VPS13B: variants seen among roughly 807,000 people sequenced by gnomAD.
VPS13B encodes the protein vacuolar protein sorting 13 homolog B.
VPS13B carries 285 observed loss-of-function variants against 426.4 expected under a neutral mutation model. The observed-to-expected ratio is 0.67, with a 90% CI of 0.61 to 0.74. VPS13B has a LOEUF of 0.74. Among genes scored for constraint, VPS13B ranks in the 30% least tolerant of loss-of-function variants. The pLI is 0.00. For missense variants in VPS13B, 4,537 were observed against 4,782.6 expected (o/e 0.95, Z 1.51); for synonymous variants, 1,676 against 1,676.4 (o/e 1.00, Z 0.01).
intron 17 of VPS13B, among the ~76,000 whole-genome samples, chr8:99,196,328 A>C (rs996398888): frequency 6.6e-6 from 1 of 151,918 alleles, no homozygotes; most frequent in Non-Finnish European, 1.5e-5. Flanking sequence ...TTGTTTTCCT[A>C]AATTTTTTTT....
intron 19 of VPS13B, among the ~76,000 whole-genome samples, chr8:99,330,339 T>C (rs2133152710): frequency 6.6e-6 from 1 of 152,032 alleles, no homozygotes; most frequent in East Asian, 1.9e-4. Context: ...TGGGGGTATG[T>C]TATTTTAATA....
At chr8:99,390,648 A>G (rs1340769703) in intron 20 of VPS13B, among the ~76,000 whole-genome samples, 8 of 152,110 alleles carry the variant, frequency 5.3e-5, no homozygotes, top group Admixed American at 3.3e-4. Flanking sequence ...AGCCTGACCA[A>G]CCGCCACCAG....
intron 39 of VPS13B, among the ~76,000 whole-genome samples, chr8:99,737,333 G>A (rs1563890116): frequency 6.6e-6 from 1 of 151,414 alleles, no homozygotes; most frequent in African/African-American, 2.4e-5. Context: ...TGTTAGCCAG[G>A]ATGGTCTCAA....
Position 99,384,263 on chromosome 8 carries a change from A to T in VPS13B, c.2880A>T (p.Leu960Phe), listed in dbSNP as rs760792770. Residue 960 changes from leucine to phenylalanine, a missense_variant, in exon 20 of 62, where the codon TTA becomes TTT. Around this residue, in one of 2 missense-constraint regions of VPS13B, gnomAD observed 4,311 missense variants for 4,474.3 expected, o/e 0.96. Coordinates refer to ENST00000357162, the MANE Select transcript of VPS13B (RefSeq NM_152564.5). ...TAGCAGTTAATATTGACCCAATCTT[A>T]TATACGTGGCTCATCTATCAGCCTC... ...QGLAVNIDPI[L>F]YTWLIYQPQK... 107 of 1,613,904 alleles carry T rather than the reference A, an allele frequency of 6.6e-5. 1 individual carries two copies. In the South Asian group the frequency reaches 9.3e-4, roughly 14 times the overall value.
At chr8:99,760,904 A>G (rs1346978792) in intron 39 of VPS13B, among the ~76,000 whole-genome samples, 1 of 152,212 alleles carries the variant, frequency 6.6e-6, no homozygotes, top group African/African-American at 2.4e-5. Context: ...GAGATGATTT[A>G]AAGTATATGG....
At chr8:99,215,732 A>G (rs1812662755) in intron 17 of VPS13B, among the ~76,000 whole-genome samples, 2 of 152,188 alleles carry the variant, frequency 1.3e-5, no homozygotes, top group African/African-American at 4.8e-5. Context: ...CTGGTCATAT[A>G]AACAACCTCT....
At chr8:99,722,542 T>C (rs1833173520) in intron 39 of VPS13B, among the ~76,000 whole-genome samples, 1 of 151,550 alleles carries the variant, frequency 6.6e-6, no homozygotes, top group Non-Finnish European at 1.5e-5. Flanking sequence ...AATCTTGCTC[T>C]GTCACCCAGG....
At chr8:99,156,259 A>AG (rs774693089) in intron 14 of VPS13B, among the ~76,000 whole-genome samples, 1 of 152,196 alleles carries the variant, frequency 6.6e-6, no homozygotes, top group Non-Finnish European at 1.5e-5. Context: ...CATCATACTG[A>AG]GGCATGTCGT....
chr8:99,724,094 A>G (rs76975870), intron 39 of VPS13B, among the ~76,000 whole-genome samples: 10,434 of 152,208 alleles, frequency 0.069, 530 homozygotes, highest in African/African-American at 0.14. Flanking sequence ...TTAGAACGAT[A>G]CAAAATATTT....
rs751532539 is a variant in VPS13B at position 99,124,384 on chromosome 8, A to G, written c.1206+2939A>G. ...TGGTTCCACAAAAAATTAAACGTAG[A>G]ATTACCATATAATCTAGCTATTTTA... On this transcript the variant is annotated intron_variant, in intron 8 of 61. Transcript: ENST00000357162. Among the ~76,000 whole-genome samples, 171 of 152,188 alleles carry G rather than the reference A, an allele frequency of 1.1e-3. 1 individual carries two copies. The highest frequency in any genetic ancestry group is 2.5e-3 in the South Asian group (12 of 4,832).
chr8:99,493,679 G>A (rs1247909058), intron 25 of VPS13B, among the ~76,000 whole-genome samples: 1 of 151,654 alleles, frequency 6.6e-6, no homozygotes, highest in Non-Finnish European at 1.5e-5. Flanking sequence ...CGATTCGGGA[G>A]GCTGCAACAG....
Position 99,345,176 on chromosome 8 carries a change from A to G in VPS13B, c.2825-39032A>G, listed in dbSNP as rs577896748. On this transcript the variant is annotated intron_variant, in intron 19 of 61. Coordinates refer to ENST00000357162, the MANE Select transcript of VPS13B (RefSeq NM_152564.5). ...TGCAATGCTAGGTATGCAATACTAT[A>G]GTATGCTAGGTATGCATTGCTCTGT... is the stretch of plus-strand genomic sequence containing the variant. Among the ~76,000 whole-genome samples the G allele has an allele frequency of 3.3e-5, 5 of 152,330 alleles. No homozygotes were observed. In the South Asian group the frequency reaches 1.0e-3, roughly 32 times the overall value.
chr8:99,269,333 A>G (rs1402865183), intron 17 of VPS13B, among the ~76,000 whole-genome samples: 1 of 152,212 alleles, frequency 6.6e-6, no homozygotes, highest in Non-Finnish European at 1.5e-5. Context: ...CCTCTAGTGG[A>G]CTATGACAAC....
chr8:99,216,417 C>T (rs1002002373), intron 17 of VPS13B, among the ~76,000 whole-genome samples: 5 of 151,756 alleles, frequency 3.3e-5, no homozygotes, highest in Admixed American at 1.3e-4. Flanking sequence ...CCCAGTATTA[C>T]CTTTCAATTG....
chr8:99,861,577 C>A (rs1816835823), intron 57 of VPS13B, among the ~76,000 whole-genome samples, 199 bp from the exon 58 acceptor site: 1 of 152,234 alleles, frequency 6.6e-6, no homozygotes, highest in South Asian at 2.1e-4. Flanking sequence ...GCTGGGATTA[C>A]AGGCGTGAGC....
chr8:99,134,166 A>G (rs1275495013), intron 8 of VPS13B, among the ~76,000 whole-genome samples: 1 of 152,200 alleles, frequency 6.6e-6, no homozygotes, highest in Non-Finnish European at 1.5e-5. Context: ...TATTTCCTTC[A>G]TAGGAACTAG....
intron 16 of VPS13B, among the ~76,000 whole-genome samples, chr8:99,190,833 CTT>C (rs1014043764): frequency 1.3e-5 from 2 of 148,886 alleles, no homozygotes; most frequent in African/African-American, 5.0e-5. Context: ...CTTTCTTCTT[CTT>C]TTTTTTTTAA....
chr8:99,285,877 C>T lies in VPS13B; in HGVS notation c.2824+10623C>T, dbSNP rs546039549. Among the ~76,000 whole-genome samples, 3 of 152,270 alleles carry T rather than the reference C, an allele frequency of 2.0e-5. No individual in the cohort carries two copies. In the South Asian group the frequency reaches 6.2e-4, roughly 32 times the overall value. On this transcript the variant is annotated intron_variant, in intron 19 of 61. Transcript: ENST00000357162. ...CATTCCTTTTATTCAGTTCAGTATA[C>T]ATGGGAGTCATTCTTATACCATTGC...
At chr8:99,117,067 A>G (rs952075294) in intron 7 of VPS13B, among the ~76,000 whole-genome samples, 8 of 152,224 alleles carry the variant, frequency 5.3e-5, no homozygotes, top group African/African-American at 1.7e-4. Context: ...ACTGATTTCA[A>G]CTTGGTATTG....
Sources: gnomAD v4.1 joint callset for allele counts (sites outside exome capture counted in the v4.1 genomes callset) on GRCh38, gnomAD v4.1.1 for gene constraint, gnomAD v4.1.1 regional missense constraint, MANE v1.5 for transcripts, NCBI Gene and HGNC (gene_info 2026-07-23, HGNC 2026-07-21) for gene names.